Variants in ERI3 observed in about 807,000 individuals in gnomAD.
The protein encoded by ERI3 is ERI1 exoribonuclease 3.
Under a neutral mutation model 44.4 loss-of-function variants are expected in ERI3, and 18 were observed. The ratio of observed to expected loss-of-function variants is 0.41; its 90% CI spans 0.28 to 0.60. The LOEUF is 0.60. ERI3 is among the 20% of genes least tolerant of loss of function. The pLI is 0.36. For synonymous variants in ERI3, 183 were observed against 164.8 expected (o/e 1.11, Z -0.84); for missense variants, 294 against 435.5 (o/e 0.68, Z 2.89).
At chr1:44,288,939 C>T (rs1199930266) in intron 6 of ERI3, among the ~76,000 whole-genome samples, 1 of 152,180 alleles carries the variant, frequency 6.6e-6, no homozygotes, top group Non-Finnish European at 1.5e-5. Flanking sequence ...TGGCAGTGGG[C>T]CCTGGACTAG....
intron 4 of ERI3, among the ~76,000 whole-genome samples, chr1:44,315,568 T>G (rs1331564017): frequency 6.6e-6 from 1 of 152,224 alleles, no homozygotes; most frequent in Non-Finnish European, 1.5e-5. Flanking sequence ...ACTCCAGTGC[T>G]CAGTGATCCT....
chr1:44,250,938 T>G (rs1211230369), intron 7 of ERI3, among the ~76,000 whole-genome samples: 13 of 152,208 alleles, frequency 8.5e-5, no homozygotes, highest in Admixed American at 7.9e-4. Flanking sequence ...CCCTGGCACG[T>G]CTTCCCCAGG....
At chr1:44,270,215 G>A (rs1446070042) in intron 7 of ERI3, among the ~76,000 whole-genome samples, 1 of 152,174 alleles carries the variant, frequency 6.6e-6, no homozygotes, top group Admixed American at 6.5e-5. Context: ...TACCCTCTCA[G>A]ACTCAATAGA....
At chr1:44,325,730 C>T (rs967964621) in intron 3 of ERI3, among the ~76,000 whole-genome samples, 4 of 152,080 alleles carry the variant, frequency 2.6e-5, no homozygotes, top group South Asian at 2.1e-4. Flanking sequence ...GGCATGATCT[C>T]GGCTCACTGC....
chr1:44,276,036 T>A (rs1645174534), intron 7 of ERI3, among the ~76,000 whole-genome samples: 1 of 152,092 alleles, frequency 6.6e-6, no homozygotes, highest in Admixed American at 6.5e-5. Flanking sequence ...TGTACAGAGA[T>A]CACACGGCAA....
chr1:44,239,556 T>A (rs1409668500), intron 8 of ERI3, among the ~76,000 whole-genome samples: 1 of 152,204 alleles, frequency 6.6e-6, no homozygotes, highest in African/African-American at 2.4e-5. Context: ...TTCACTCTCC[T>A]GCCTCAGAAG....
chr1:44,297,092 T>A (rs889504640), intron 6 of ERI3, among the ~76,000 whole-genome samples: 1 of 151,990 alleles, frequency 6.6e-6, no homozygotes, highest in Admixed American at 6.6e-5. Flanking sequence ...GAGAAAGAAA[T>A]CGCAGAGAAA....
rs996211260 is a variant in ERI3 at position 44,345,126 on chromosome 1, A to C, written c.212-5804T>G. On this transcript the variant is annotated intron_variant, in intron 2 of 8. Coordinates refer to ENST00000372257, the MANE Select transcript of ERI3 (RefSeq NM_024066.3). ...TCTGTATTTACCTGAGAGACCAAAG[A>C]AGCACCAAATCACCAGATTAGAGGA... is the stretch of plus-strand genomic sequence containing the variant. Among the ~76,000 whole-genome samples, 15 of 152,356 alleles carry C rather than the reference A, an allele frequency of 9.8e-5. No individual in the cohort carries two copies. The East Asian group carries it at 1.2e-3, about 12-fold the overall frequency.
intron 6 of ERI3, among the ~76,000 whole-genome samples, chr1:44,293,253 G>T (rs939399305): frequency 3.1e-4 from 47 of 152,396 alleles, no homozygotes; most frequent in African/African-American, 9.6e-4. Context: ...ACAGGGAGGA[G>T]AGTGCAAGCA....
intron 3 of ERI3, among the ~76,000 whole-genome samples, chr1:44,335,682 C>G (rs1301002702): frequency 1.4e-5 from 2 of 145,454 alleles, no homozygotes; most frequent in Non-Finnish European, 3.0e-5. Flanking sequence ...TTGCTTGAGG[C>G]AGAGGTTGCG....
chr1:44,301,263 C>T (rs11210979), intron 6 of ERI3, among the ~76,000 whole-genome samples: 37,244 of 151,992 alleles, frequency 0.25, 5,119 homozygotes, highest in South Asian at 0.41. Flanking sequence ...ACTCTAAGGC[C>T]CAGAATTCCT....
intron 8 of ERI3, among the ~76,000 whole-genome samples, chr1:44,224,352 C>G (rs2154314923): frequency 6.6e-6 from 1 of 152,338 alleles, no homozygotes; most frequent in Middle Eastern, 3.4e-3. Flanking sequence ...TGGTCTCTGC[C>G]ATGCTCAACC....
At chr1:44,243,356 T>C (rs1472363453) in intron 8 of ERI3, 2 of 152,302 alleles carry the variant, frequency 1.3e-5, no homozygotes, top group South Asian at 2.1e-4. Context: ...AAACCAGCAG[T>C]AGTCTGTGAG....
At chr1:44,310,131 G>A (rs1281683521) in intron 5 of ERI3, among the ~76,000 whole-genome samples, 1 of 152,174 alleles carries the variant, frequency 6.6e-6, no homozygotes, top group Non-Finnish European at 1.5e-5. Flanking sequence ...GGGGAGAAAG[G>A]CAGATCATCA....
chr1:44,339,414 T>C, intron 2 of ERI3, 92 bp from the exon 3 acceptor site: 1 of 1,350,084 alleles, frequency 7.4e-7, no homozygotes, highest in Non-Finnish European at 9.8e-7. Flanking sequence ...CCTCCCACTG[T>C]GGCCCTGTTC....
chr1:44,355,184 C>T lies in ERI3; in HGVS notation c.-158G>A. 3 of 1,204,854 alleles carry T rather than the reference C, an allele frequency of 2.5e-6. No individual in the cohort carries two copies. Among genetic ancestry groups the T allele is most frequent in the East Asian group, 3.4e-5 (1 of 29,028 alleles). The allele number at this position is 1,204,854 out of a possible 1,614,324, so 74.6% of individuals were successfully genotyped here. A position where few individuals can be genotyped will look rare whatever the true frequency, so the allele number is the denominator to read the frequency against. On this transcript the variant is annotated 5_prime_UTR_variant, in exon 1 of 9. Coordinates refer to ENST00000372257, the MANE Select transcript of ERI3 (RefSeq NM_024066.3). ...CCAGGCAGAGGCAGGGCCAGCTCCG[C>T]CCGCTCCCCACCGCCCGTTCCCGGC...
chr1:44,284,989 G>T, intron 6 of ERI3, 82 bp from the exon 7 acceptor site: 2 of 1,205,256 alleles, frequency 1.7e-6, no homozygotes, highest in Non-Finnish European at 2.4e-6. Flanking sequence ...GTCCAACAGA[G>T]CATACAAGAC....
intron 2 of ERI3, among the ~76,000 whole-genome samples, chr1:44,339,909 C>A (rs1646616007): frequency 6.6e-6 from 1 of 152,204 alleles, no homozygotes; most frequent in African/African-American, 2.4e-5. Context: ...TTTGCTCTGA[C>A]ATTCTGGTGA....
chr1:44,268,588 G>C (rs752763509), intron 7 of ERI3, among the ~76,000 whole-genome samples: 4 of 152,158 alleles, frequency 2.6e-5, no homozygotes, highest in Non-Finnish European at 5.9e-5. Flanking sequence ...AGTCAGCCAG[G>C]GAAAGGTAAG....
Sources: allele counts gnomAD v4.1 joint callset (sites outside exome capture counted in the v4.1 genomes callset), GRCh38; gene constraint gnomAD v4.1.1; transcripts MANE v1.5; gene names NCBI Gene and HGNC (gene_info 2026-07-23, HGNC 2026-07-21).